XKR9: variants seen among roughly 807,000 people sequenced by gnomAD.
XKR9 encodes XK related 9.
A neutral mutation model predicts 32.0 loss-of-function variants in XKR9; 32 were observed. The observed-to-expected ratio is 1.00, with a 90% CI of 0.76 to 1.34. XKR9 has a LOEUF of 1.34. XKR9 is among the 40% of genes most tolerant of loss of function. The probability of loss-of-function intolerance (pLI) is 0.00; values close to 1 mark genes in which losing one functional copy is unlikely to be tolerated. For synonymous variants in XKR9, 168 were observed against 143.4 expected (o/e 1.17, Z -1.22); for missense variants, 546 against 429.7 (o/e 1.27, Z -2.39).
At chr8:70,696,153 G>A (rs1747712193) in intron 3 of XKR9, among the ~76,000 whole-genome samples, 1 of 151,678 alleles carries the variant, frequency 6.6e-6, no homozygotes, top group African/African-American at 2.4e-5. Context: ...TCTGATGGTA[G>A]TTTCTTTTGC....
chr8:70,785,895 C>A (rs987195802), intron 2 of XKR9, among the ~76,000 whole-genome samples: 1 of 151,598 alleles, frequency 6.6e-6, no homozygotes, highest in African/African-American at 2.4e-5. Flanking sequence ...ATGATCATAT[C>A]TCACTACAAC....
chr8:70,752,149 T>A (rs1807151448), intron 2 of XKR9, among the ~76,000 whole-genome samples: 1 of 152,208 alleles, frequency 6.6e-6, no homozygotes, highest in Admixed American at 6.5e-5. Context: ...AACCACAATC[T>A]GCCTTCTGTT....
intron 2 of XKR9, among the ~76,000 whole-genome samples, chr8:70,758,794 A>C (rs1180701435): frequency 6.6e-6 from 1 of 152,182 alleles, no homozygotes; most frequent in Non-Finnish European, 1.5e-5. Flanking sequence ...TTATATTATC[A>C]TCAACAGTGA....
chr8:71,010,919 G>A, the XKR9 span, among the ~76,000 whole-genome samples: 1 of 151,992 alleles, frequency 6.6e-6, no homozygotes, highest in African/African-American at 2.4e-5. Flanking sequence ...CGATTCCAGG[G>A]GACTGCTGAA....
the XKR9 span, among the ~76,000 whole-genome samples, chr8:70,953,629 T>C: frequency 6.6e-6 from 1 of 152,172 alleles, no homozygotes; most frequent in Non-Finnish European, 1.5e-5. Flanking sequence ...TCCATTATTA[T>C]TTCCATTCCA....
At chr8:70,725,963 A>G (rs563899778) in intron 4 of XKR9, among the ~76,000 whole-genome samples, 2 of 152,214 alleles carry the variant, frequency 1.3e-5, no homozygotes, top group Non-Finnish European at 2.9e-5. Flanking sequence ...AATGCATATT[A>G]TGAAAAAAAC....
the XKR9 span, among the ~76,000 whole-genome samples, chr8:70,865,532 A>C: frequency 6.6e-6 from 1 of 151,622 alleles, no homozygotes; most frequent in African/African-American, 2.4e-5. Flanking sequence ...AATTTTTTTA[A>C]AGTTTTGTTT....
At chr8:70,858,052 G>T in the XKR9 span, among the ~76,000 whole-genome samples, 2 of 152,114 alleles carry the variant, frequency 1.3e-5, no homozygotes, top group Non-Finnish European at 2.9e-5. Flanking sequence ...TTGAAAACTG[G>T]CACAAGACAG....
the XKR9 span, among the ~76,000 whole-genome samples, chr8:71,008,709 C>G: frequency 6.6e-6 from 1 of 152,210 alleles, no homozygotes; most frequent in African/African-American, 2.4e-5. Flanking sequence ...TCACTGCAGT[C>G]TCGACCTCCT....
chr8:70,969,365 G>A, the XKR9 span, among the ~76,000 whole-genome samples: 4 of 152,122 alleles, frequency 2.6e-5, no homozygotes, highest in Admixed American at 6.5e-5. Context: ...TTTACTAAAC[G>A]TGGATCAAAA....
At chr8:71,010,844 A>G in the XKR9 span, among the ~76,000 whole-genome samples, 2 of 152,156 alleles carry the variant, frequency 1.3e-5, no homozygotes, top group East Asian at 3.9e-4. Flanking sequence ...ACAATCAGCA[A>G]CAGATGTCCT....
At chr8:70,899,577 G>T in the XKR9 span, among the ~76,000 whole-genome samples, 2 of 151,934 alleles carry the variant, frequency 1.3e-5, no homozygotes, top group Non-Finnish European at 2.9e-5. Context: ...CTTTAAGCTT[G>T]GGCTCTCTTT....
At chr8:70,885,300 G>A in the XKR9 span, among the ~76,000 whole-genome samples, 1 of 151,942 alleles carries the variant, frequency 6.6e-6, no homozygotes, top group Non-Finnish European at 1.5e-5. Context: ...TAATATACAA[G>A]GTACGTCCTT....
At chr8:70,685,958 T>G (rs1295718145) in intron 3 of XKR9, among the ~76,000 whole-genome samples, 1 of 151,404 alleles carries the variant, frequency 6.6e-6, no homozygotes, top group Non-Finnish European at 1.5e-5. Flanking sequence ...AAATAAGTTT[T>G]TGTTTATCTT....
Position 70,735,566 on chromosome 8 carries a change from A to C in XKR9, c.*1142A>C. The C allele has an allele frequency of 1.3e-5, 2 of 148,350 alleles. No individual in the cohort carries two copies. Among genetic ancestry groups the C allele is most frequent in the Admixed American group, 6.7e-5 (1 of 14,860 alleles). The allele number at this position is 148,350 out of a possible 1,614,324, so 9.2% of individuals were successfully genotyped here. On this transcript the variant is annotated 3_prime_UTR_variant, in exon 5 of 5. Coordinates refer to ENST00000408926, the MANE Select transcript of XKR9 (RefSeq NM_001011720.2). ...CCATGCTGGTGTGCTGCACCCATTA[A>C]CTCGTCATTTATCATTAGGTATATC...
intron 2 of XKR9, among the ~76,000 whole-genome samples, chr8:70,758,786 A>G (rs756800045): frequency 1.3e-5 from 2 of 152,234 alleles, no homozygotes; most frequent in Non-Finnish European, 2.9e-5. Context: ...CTCAGTGTTT[A>G]TATTATCATC....
intron 2 of XKR9, among the ~76,000 whole-genome samples, chr8:70,774,627 T>C (rs1471024813): frequency 6.6e-6 from 1 of 152,156 alleles, no homozygotes; most frequent in African/African-American, 2.4e-5. Context: ...CCCATATGGA[T>C]TTCCAGTTGT....
the XKR9 span, among the ~76,000 whole-genome samples, chr8:71,058,871 T>C: frequency 6.6e-6 from 1 of 152,212 alleles, no homozygotes; most frequent in Non-Finnish European, 1.5e-5. Context: ...AGAATAAACA[T>C]AGGCTAATAT....
At chr8:71,004,328 A>G in the XKR9 span, among the ~76,000 whole-genome samples, 2 of 152,092 alleles carry the variant, frequency 1.3e-5, no homozygotes, top group African/African-American at 4.8e-5. Flanking sequence ...GAGGGAAACT[A>G]TTAGCAGCTT....
Sources: gnomAD v4.1 joint callset for allele counts (sites outside exome capture counted in the v4.1 genomes callset) on GRCh38, gnomAD v4.1.1 for gene constraint, MANE v1.5 for transcripts, NCBI Gene and HGNC (gene_info 2026-07-23, HGNC 2026-07-21) for gene names.